MUSK: variants seen among roughly 807,000 people sequenced by gnomAD.
The protein encoded by MUSK is muscle associated receptor tyrosine kinase.
MUSK carries 55 observed loss-of-function variants against 88.7 expected under a neutral mutation model. The observed-to-expected ratio is 0.62, with a 90% CI of 0.50 to 0.78. MUSK has a LOEUF of 0.78. Among genes scored for constraint, MUSK ranks in the 30% least tolerant of loss-of-function variants. The pLI, the probability that MUSK is intolerant of heterozygous loss-of-function variation, is 0.00. For missense variants in MUSK, 1,015 were observed against 1,074.3 expected (o/e 0.94, Z 0.77); for synonymous variants, 387 against 391.9 (o/e 0.99, Z 0.15).
intron 9 of MUSK, among the ~76,000 whole-genome samples, chr9:110,773,927 G>A (rs1054102880): frequency 1.2e-4 from 19 of 152,102 alleles, no homozygotes; most frequent in African/African-American, 4.6e-4. Flanking sequence ...TTCATTTGGG[G>A]ATAGATTTAT....
At chr9:110,727,276 C>A (rs985724730) in intron 5 of MUSK, among the ~76,000 whole-genome samples, 1 of 152,042 alleles carries the variant, frequency 6.6e-6, no homozygotes, top group African/African-American at 2.4e-5. Context: ...GAGACCTTCT[C>A]ATTGGGAAGA....
chr9:110,800,241 G>A, intron 14 of MUSK, 65 bp from the exon 15 acceptor site: 2 of 1,280,508 alleles, frequency 1.6e-6, no homozygotes, highest in Non-Finnish European at 2.2e-6. Context: ...GTTTGCTTTT[G>A]GAGTGCTCTT....
intron 7 of MUSK, among the ~76,000 whole-genome samples, chr9:110,760,763 G>C (rs1203966853): frequency 2.0e-5 from 3 of 152,056 alleles, no homozygotes; most frequent in Non-Finnish European, 4.4e-5. Context: ...TGAATAAAAA[G>C]CTCATAAAGA....
At chr9:110,780,170 A>G (rs1023360616) in intron 11 of MUSK, among the ~76,000 whole-genome samples, 2 of 152,142 alleles carry the variant, frequency 1.3e-5, no homozygotes, top group Admixed American at 1.3e-4. Context: ...TATATTTTCT[A>G]TTCGCTTTAC....
intron 3 of MUSK, among the ~76,000 whole-genome samples, chr9:110,692,540 T>A (rs918729792): frequency 3.3e-5 from 5 of 152,170 alleles, no homozygotes; most frequent in African/African-American, 1.2e-4. Flanking sequence ...ATTTTTTTTC[T>A]TTTTTCTTTC....
chr9:110,678,799 A>G (rs1377377428), intron 1 of MUSK, among the ~76,000 whole-genome samples: 1 of 152,108 alleles, frequency 6.6e-6, no homozygotes, highest in Non-Finnish European at 1.5e-5. Flanking sequence ...GTTGATGTGC[A>G]TATCTGTTTA....
chr9:110,774,866 T>TACACACACACAC (rs368896303), intron 9 of MUSK, among the ~76,000 whole-genome samples: 1 of 138,944 alleles, frequency 7.2e-6, no homozygotes, highest in African/African-American at 2.9e-5. Context: ...GGCATATATA[T>TACACACACACAC]ACACACACAC....
intron 3 of MUSK, among the ~76,000 whole-genome samples, chr9:110,692,526 C>A (rs1326142393): frequency 6.6e-6 from 1 of 151,956 alleles, no homozygotes; most frequent in Non-Finnish European, 1.5e-5. Flanking sequence ...GGTACATTTT[C>A]TCTATTTTTT....
At chr9:110,685,402 A>T (rs944255000) in intron 2 of MUSK, among the ~76,000 whole-genome samples, 5 of 152,130 alleles carry the variant, frequency 3.3e-5, no homozygotes, top group African/African-American at 1.2e-4. Context: ...ATCCCAAATC[A>T]TCAAGTCCTG....
chr9:110,695,349 A>C (rs2076417770), intron 3 of MUSK, 54 bp from the exon 4 acceptor site: 1 of 1,215,296 alleles, frequency 8.2e-7, no homozygotes, highest in South Asian at 1.7e-5. Flanking sequence ...TAGAAACTCT[A>C]GGTTTAATAA....
chr9:110,770,492 TATA>T (rs972620059), intron 9 of MUSK, among the ~76,000 whole-genome samples: 93 of 147,002 alleles, frequency 6.3e-4, no homozygotes, highest in Admixed American at 2.0e-3. Context: ...AATTATAGTT[TATA>T]ATAATATAAT....
At chr9:110,761,612 C>G (rs1228166244) in intron 7 of MUSK, among the ~76,000 whole-genome samples, 1 of 112,268 alleles carries the variant, frequency 8.9e-6, no homozygotes, top group African/African-American at 3.5e-5. Flanking sequence ...GTCTCGCTGT[C>G]GCCCAGGCTG....
At chr9:110,797,176 A>T (rs2078019607) in intron 14 of MUSK, among the ~76,000 whole-genome samples, 1 of 140,560 alleles carries the variant, frequency 7.1e-6, no homozygotes, top group Admixed American at 7.1e-5. Flanking sequence ...AAAAAAAAAA[A>T]AAAAAAAAAA....
chr9:110,785,432 A>T, intron 12 of MUSK, 95 bp from the exon 13 acceptor site: 1 of 1,077,994 alleles, frequency 9.3e-7, no homozygotes, highest in Non-Finnish European at 1.3e-6. Context: ...TGTTTTCATT[A>T]CTCTTAAATG....
chr9:110,790,681 T>C (rs1375396058), intron 14 of MUSK, among the ~76,000 whole-genome samples: 1 of 152,126 alleles, frequency 6.6e-6, no homozygotes, highest in African/African-American at 2.4e-5. Context: ...GGGTGAGGAA[T>C]GGGAGAAGAG....
intron 7 of MUSK, among the ~76,000 whole-genome samples, chr9:110,750,059 ATGTG>A (rs1202089161): frequency 2.9e-5 from 4 of 139,878 alleles, no homozygotes; most frequent in African/African-American, 5.1e-5. Flanking sequence ...ATATGTATGT[ATGTG>A]TGTTTATATA....
chr9:110,707,342 A>T (rs186427294), intron 5 of MUSK, among the ~76,000 whole-genome samples: 259 of 152,320 alleles, frequency 1.7e-3, no homozygotes, highest in African/African-American at 5.9e-3. Flanking sequence ...AAATTTATAA[A>T]TATCTAATTT....
At chr9:110,739,682 T>C (rs1220000596) in intron 6 of MUSK, among the ~76,000 whole-genome samples, 2 of 152,176 alleles carry the variant, frequency 1.3e-5, no homozygotes, top group Non-Finnish European at 2.9e-5. Context: ...CTCGAGCCCA[T>C]TGAGTTAGCC....
chr9:110,671,164 G>T (rs2075952317), intron 1 of MUSK, among the ~76,000 whole-genome samples: 1 of 151,972 alleles, frequency 6.6e-6, no homozygotes, highest in Admixed American at 6.6e-5. Context: ...TAGAGACAGG[G>T]TTTCACCATG....
Sources: allele counts gnomAD v4.1 joint callset (sites outside exome capture counted in the v4.1 genomes callset), GRCh38; gene constraint gnomAD v4.1.1; transcripts MANE v1.5; gene names NCBI Gene and HGNC (gene_info 2026-07-23, HGNC 2026-07-21).